Variants in KCNIP4 observed in about 807,000 individuals in gnomAD.
KCNIP4 encodes the protein Kv channel-interacting protein 4.
A neutral mutation model predicts 34.0 loss-of-function variants in KCNIP4; 12 were observed. The ratio of observed to expected loss-of-function variants is 0.35; its 90% CI spans 0.23 to 0.57. The LOEUF (loss-of-function observed/expected upper bound fraction) is 0.57. Among genes scored for constraint, KCNIP4 ranks in the 20% least tolerant of loss-of-function variants. The pLI is 0.83. For missense variants in KCNIP4, 238 were observed against 311.7 expected (o/e 0.76, Z 1.78); for synonymous variants, 124 against 102.2 (o/e 1.21, Z -1.29).
At chr4:21,853,957 G>C (rs1262798430) in intron 1 of KCNIP4, among the ~76,000 whole-genome samples, 2 of 152,148 alleles carry the variant, frequency 1.3e-5, no homozygotes, top group Non-Finnish European at 2.9e-5. Context: ...AAGGCCTTGA[G>C]ACGATAGAAG....
chr4:21,764,585 C>T (rs574028858), intron 1 of KCNIP4, among the ~76,000 whole-genome samples: 1 of 152,200 alleles, frequency 6.6e-6, no homozygotes, highest in Admixed American at 6.5e-5. Flanking sequence ...AAACCACTGC[C>T]AGCTAATGCA....
intron 1 of KCNIP4, among the ~76,000 whole-genome samples, chr4:21,514,892 G>A (rs191256332): frequency 2.3e-4 from 35 of 152,242 alleles, no homozygotes; most frequent in Middle Eastern, 3.4e-3. Context: ...CCTGCAAGAA[G>A]ACATTTCATT....
intron 1 of KCNIP4, among the ~76,000 whole-genome samples, chr4:21,014,735 T>C (rs1739354307): frequency 1.3e-5 from 2 of 152,152 alleles, no homozygotes; most frequent in Non-Finnish European, 2.9e-5. Flanking sequence ...AACGTAGCAT[T>C]ACCATTGACT....
intron 1 of KCNIP4, among the ~76,000 whole-genome samples, chr4:21,234,215 T>TTATATATAACATATATAACA (rs1487184426): frequency 4.8e-5 from 5 of 104,936 alleles, no homozygotes; most frequent in Admixed American, 4.7e-4. Flanking sequence ...ATAACGTATA[T>TTATATATAACATATATAACA]TATATATAAC....
chr4:21,913,965 A>G (rs6821401), intron 1 of KCNIP4, among the ~76,000 whole-genome samples: 37,786 of 151,924 alleles, frequency 0.25, 5,577 homozygotes, highest in East Asian at 0.61. Context: ...GTAGAGGAAG[A>G]TTTCAGGAAC....
intron 3 of KCNIP4, among the ~76,000 whole-genome samples, chr4:20,792,906 A>G (rs1712967483): frequency 6.6e-6 from 1 of 152,206 alleles, no homozygotes; most frequent in African/African-American, 2.4e-5. Flanking sequence ...CACCAACTTG[A>G]ATGAAATAAC....
intron 3 of KCNIP4, among the ~76,000 whole-genome samples, chr4:20,818,314 G>A (rs1207114003): frequency 1.3e-5 from 2 of 152,148 alleles, no homozygotes; most frequent in Admixed American, 1.3e-4. Flanking sequence ...GGGTGGTGGT[G>A]GTGGTATCAG....
intron 1 of KCNIP4, among the ~76,000 whole-genome samples, chr4:21,592,761 T>C (rs1164107375): frequency 6.6e-6 from 1 of 152,134 alleles, no homozygotes; most frequent in Non-Finnish European, 1.5e-5. Context: ...TTTTTATTTC[T>C]ATATAGAGAT....
chr4:21,276,179 C>T (rs113732856), intron 1 of KCNIP4, among the ~76,000 whole-genome samples: 4 of 152,268 alleles, frequency 2.6e-5, no homozygotes, highest in African/African-American at 4.8e-5. Flanking sequence ...CACAACCAGG[C>T]GCCACCTTAA....
At chr4:21,826,017 A>G (rs191048556) in intron 1 of KCNIP4, among the ~76,000 whole-genome samples, 1 of 152,270 alleles carries the variant, frequency 6.6e-6, no homozygotes, top group African/African-American at 2.4e-5. Context: ...GCAAGCTCAA[A>G]GAACCTAAAG....
chr4:21,320,687 T>C (rs973181034), intron 1 of KCNIP4, among the ~76,000 whole-genome samples: 1 of 152,098 alleles, frequency 6.6e-6, no homozygotes, highest in African/African-American at 2.4e-5. Context: ...TATTGATTCC[T>C]AGGCCGGAAG....
At chr4:21,033,095 T>A (rs1410610334) in intron 1 of KCNIP4, among the ~76,000 whole-genome samples, 3 of 152,162 alleles carry the variant, frequency 2.0e-5, no homozygotes, top group Admixed American at 6.5e-5. Flanking sequence ...ACAAAATGAA[T>A]GAATGAATAA....
chr4:21,192,660 A>G (rs1190578638), intron 1 of KCNIP4, among the ~76,000 whole-genome samples: 1 of 152,178 alleles, frequency 6.6e-6, no homozygotes, highest in Non-Finnish European at 1.5e-5. Flanking sequence ...GGTTACTTCC[A>G]GTATTACAGC....
intron 1 of KCNIP4, among the ~76,000 whole-genome samples, chr4:21,946,882 C>T (rs532110594): frequency 2.3e-4 from 35 of 152,244 alleles, no homozygotes; most frequent in Admixed American, 6.5e-4. Context: ...ATGTATAGTA[C>T]TCCCCAGGTG....
chr4:21,110,254 C>T (rs1021517051), intron 1 of KCNIP4, among the ~76,000 whole-genome samples: 1 of 152,036 alleles, frequency 6.6e-6, no homozygotes, highest in African/African-American at 2.4e-5. Context: ...TGAGTATGAC[C>T]TCTGATTTCA....
intron 1 of KCNIP4, among the ~76,000 whole-genome samples, chr4:21,872,997 C>A (rs1725900927): frequency 6.6e-6 from 1 of 152,068 alleles, no homozygotes; most frequent in South Asian, 2.1e-4. Context: ...CCATTAGCTC[C>A]AATATTCATG....
At chr4:20,955,173 G>A (rs1386954388) in intron 1 of KCNIP4, among the ~76,000 whole-genome samples, 1 of 152,154 alleles carries the variant, frequency 6.6e-6, no homozygotes, top group African/African-American at 2.4e-5. Flanking sequence ...AGCCTCACCT[G>A]CAGCCTATTC....
chr4:21,107,946 G>A (rs1748738060), intron 1 of KCNIP4, among the ~76,000 whole-genome samples: 1 of 151,434 alleles, frequency 6.6e-6, no homozygotes, highest in Admixed American at 6.6e-5. Flanking sequence ...CTTCTGGCTT[G>A]TAGAGTTTCT....
intron 1 of KCNIP4, among the ~76,000 whole-genome samples, chr4:20,928,762 A>G (rs962480594): frequency 6.6e-6 from 1 of 151,990 alleles, no homozygotes; most frequent in Admixed American, 6.6e-5. Flanking sequence ...AAATAAAAGT[A>G]GAAATATTGC....
Sources: allele counts gnomAD v4.1 joint callset (sites outside exome capture counted in the v4.1 genomes callset), GRCh38; gene constraint gnomAD v4.1.1; transcripts MANE v1.5; gene names NCBI Gene and HGNC (gene_info 2026-07-23, HGNC 2026-07-21).